Variants in MECOM observed in about 807,000 individuals in gnomAD.
The protein encoded by MECOM is MDS1 and EVI1 complex locus.
A neutral mutation model predicts 116.3 loss-of-function variants in MECOM; 13 were observed. The ratio of observed to expected loss-of-function variants is 0.11; its 90% CI spans 0.07 to 0.18. The LOEUF (loss-of-function observed/expected upper bound fraction) is 0.18, where lower values mean the gene tolerates loss of function less well. Ranked by LOEUF, MECOM falls within the 10% of genes least tolerant of loss-of-function variation. MECOM has a pLI of 1.00. For synonymous variants in MECOM, 528 were observed against 535.2 expected (o/e 0.99, Z 0.19); for missense variants, 1,299 against 1,509.0 (o/e 0.86, Z 2.31).
intron 5 of MECOM, among the ~76,000 whole-genome samples, chr3:169,127,637 T>G (rs1366714239): frequency 6.6e-6 from 1 of 152,200 alleles, no homozygotes; most frequent in Non-Finnish European, 1.5e-5. Context: ...TTATTTTTCA[T>G]CTGACATCAA....
intron 1 of MECOM, among the ~76,000 whole-genome samples, chr3:169,623,519 A>G (rs1474198978): frequency 2.0e-5 from 3 of 152,204 alleles, no homozygotes; most frequent in African/African-American, 7.2e-5. Flanking sequence ...TGTTTGAAAT[A>G]TTTGTTGAGT....
At chr3:169,271,446 T>A (rs1308165826) in intron 2 of MECOM, among the ~76,000 whole-genome samples, 1 of 152,256 alleles carries the variant, frequency 6.6e-6, no homozygotes, top group Non-Finnish European at 1.5e-5. Flanking sequence ...AAAGGCATCC[T>A]TAACACTCTG....
intron 5 of MECOM, 23 bp downstream of exon 5, chr3:169,127,821 T>C (rs776593021): frequency 1.9e-6 from 3 of 1,593,880 alleles, no homozygotes; most frequent in African/African-American, 1.3e-5. Context: ...ACAAGTTGTA[T>C]GGTACAACAT....
At position 169,116,338 on chromosome 3, in the gene MECOM, C is replaced by A; in HGVS notation, c.1534G>T (p.Val512Phe). The change falls in exon 8 of 17, where the codon GTT becomes TTT. Residue 512 changes from valine (V) to phenylalanine (F), a missense_variant. Coordinates refer to ENST00000651503, the MANE Select transcript of MECOM (RefSeq NM_004991.4). ...RPPLIPASSP[V>F]KGLSSTEQTN... ...TGTTCAGTACTTGATAGTCCTTTAA[C>A]AGGAGAACTAGCAGGTATCAAAGGA... The A allele has an allele frequency of 6.2e-7, 1 of 1,614,166 alleles. No individual in the cohort carries two copies.
chr3:169,314,433 C>T (rs1296989306), intron 2 of MECOM, among the ~76,000 whole-genome samples: 2 of 152,188 alleles, frequency 1.3e-5, no homozygotes, highest in African/African-American at 4.8e-5. Context: ...CTGCTTAGTC[C>T]ATGTTCTGCT....
intron 1 of MECOM, among the ~76,000 whole-genome samples, chr3:169,588,103 A>G (rs1382430521): frequency 6.6e-6 from 1 of 152,226 alleles, no homozygotes; most frequent in African/African-American, 2.4e-5. Context: ...ATAAAATTAC[A>G]TAAAGAGAGA....
At chr3:169,631,791 T>G (rs1338187245) in intron 1 of MECOM, among the ~76,000 whole-genome samples, 1 of 151,904 alleles carries the variant, frequency 6.6e-6, no homozygotes, top group East Asian at 1.9e-4. Context: ...AAAAGAGAGC[T>G]TGAAACTAAA....
At chr3:169,454,492 G>GAAGA (rs1399699876) in intron 1 of MECOM, among the ~76,000 whole-genome samples, 1 of 150,828 alleles carries the variant, frequency 6.6e-6, no homozygotes, top group Non-Finnish European at 1.5e-5. Context: ...GTGTTTTCCA[G>GAAGA]AAGAAAATGT....
At chr3:169,619,723 A>C (rs74816798) in intron 1 of MECOM, among the ~76,000 whole-genome samples, 6 of 152,214 alleles carry the variant, frequency 3.9e-5, no homozygotes, top group African/African-American at 9.6e-5. Flanking sequence ...ATATCTGAAC[A>C]GCCCTACTCT....
intron 2 of MECOM, among the ~76,000 whole-genome samples, chr3:169,289,616 C>T (rs915736304): frequency 6.6e-6 from 1 of 152,160 alleles, no homozygotes; most frequent in African/African-American, 2.4e-5. Flanking sequence ...ACAGGCTGTG[C>T]AACCCTCATC....
At chr3:169,546,140 C>A (rs1467895285) in intron 1 of MECOM, among the ~76,000 whole-genome samples, 1 of 152,110 alleles carries the variant, frequency 6.6e-6, no homozygotes, top group Non-Finnish European at 1.5e-5. Context: ...AATATAGATT[C>A]TATGATCCTT....
intron 1 of MECOM, among the ~76,000 whole-genome samples, chr3:169,481,185 G>T (rs1304789773): frequency 6.6e-6 from 1 of 152,086 alleles, no homozygotes; most frequent in Non-Finnish European, 1.5e-5. Context: ...TGTGTTAATC[G>T]GTCATGGACA....
At chr3:169,654,558 A>G (rs919209953) in intron 1 of MECOM, among the ~76,000 whole-genome samples, 6 of 152,144 alleles carry the variant, frequency 3.9e-5, no homozygotes, top group Admixed American at 1.3e-4. Flanking sequence ...GTGGAAAACC[A>G]CAGATGACTG....
rs529586819 is a variant in MECOM, at chr3:169,593,044, G to A, written c.37+70292C>T. 3.9e-5 allele frequency among the ~76,000 whole-genome samples: 6 copies of A among 152,278 alleles called. No individual in the cohort carries two copies. The East Asian group carries it at 1.2e-3, about 29-fold the overall frequency. ...GTTTACTGATTGTTTACTAAATGCTGATAGAATTTTTTAAGAATTAAATTC... is the reference window on the plus strand; with the variant it reads ...GTTTACTGATTGTTTACTAAATGCTAATAGAATTTTTTAAGAATTAAATTC... On this transcript the variant is annotated intron_variant, in intron 1 of 16. Coordinates refer to ENST00000651503, the MANE Select transcript of MECOM (RefSeq NM_004991.4).
intron 1 of MECOM, among the ~76,000 whole-genome samples, chr3:169,623,628 A>G (rs1009248463): frequency 6.6e-6 from 1 of 152,212 alleles, no homozygotes; most frequent in Non-Finnish European, 1.5e-5. Flanking sequence ...ATTGTGGTTT[A>G]CATTTTCTGG....
chr3:169,194,821 G>A (rs530736687), intron 2 of MECOM, among the ~76,000 whole-genome samples: 6 of 152,062 alleles, frequency 3.9e-5, no homozygotes, highest in Non-Finnish European at 5.9e-5. Context: ...AGCTGCTTAA[G>A]TGGCTTTGAC....
At chr3:169,648,115 G>T (rs1195998148) in intron 1 of MECOM, among the ~76,000 whole-genome samples, 1 of 152,176 alleles carries the variant, frequency 6.6e-6, no homozygotes, top group Non-Finnish European at 1.5e-5. Flanking sequence ...TTATGACATG[G>T]TTAGGTAAAT....
chr3:169,642,142 A>C (rs1773567627), intron 1 of MECOM, among the ~76,000 whole-genome samples: 1 of 152,206 alleles, frequency 6.6e-6, no homozygotes, highest in Non-Finnish European at 1.5e-5. Flanking sequence ...CATATATTTC[A>C]TTTCAGCAAA....
At chr3:169,275,738 C>T (rs922008329) in intron 2 of MECOM, among the ~76,000 whole-genome samples, 1 of 152,140 alleles carries the variant, frequency 6.6e-6, no homozygotes, top group African/African-American at 2.4e-5. Context: ...ATGTGAGTTA[C>T]AGATTAAATG....
Sources: allele counts gnomAD v4.1 joint callset (sites outside exome capture counted in the v4.1 genomes callset), GRCh38; gene constraint gnomAD v4.1.1; transcripts MANE v1.5; gene names NCBI Gene and HGNC (gene_info 2026-07-23, HGNC 2026-07-21).